Variants in RTKN2 observed in about 807,000 individuals in gnomAD.
The protein encoded by RTKN2 is rhotekin-2.
In RTKN2, 69 loss-of-function variants were observed where a neutral mutation model predicts 71.5. That is an observed-to-expected ratio of 0.96 (90% CI 0.79 to 1.18). The LOEUF (loss-of-function observed/expected upper bound fraction) is 1.18. RTKN2 is among the 50% of genes most tolerant of loss of function. The probability of loss-of-function intolerance (pLI) is 0.00; values close to 1 mark genes in which losing one functional copy is unlikely to be tolerated. For missense variants in RTKN2, 724 were observed against 719.7 expected (o/e 1.01, Z -0.07); for synonymous variants, 236 against 236.5 (o/e 1.00, Z 0.02).
intron 6 of RTKN2, among the ~76,000 whole-genome samples, chr10:62,229,027 G>T (rs1461389331): frequency 6.6e-6 from 1 of 152,168 alleles, no homozygotes; most frequent in Non-Finnish European, 1.5e-5. Context: ...CTTAAGGTTA[G>T]GGATTATGTA....
rs1841304979 is a variant in RTKN2 at position 62,195,500 on chromosome 10, G to A, written c.*2408C>T. On this transcript the variant is annotated 3_prime_UTR_variant, in exon 12 of 12. Transcript: ENST00000373789. ...GAGGAAGGAGAGACAGAAGGAAAGT[G>A]GGAAAAGGGGATGAGACAGAGAGAG... is the stretch of plus-strand genomic sequence containing the variant. 1 of 866,306 alleles carries A rather than the reference G, an allele frequency of 1.2e-6. No homozygotes were observed. The highest frequency in any genetic ancestry group is 1.8e-5 in the African/African-American group (1 of 54,972). The allele number at this position is 866,306 out of a possible 1,614,324, so 53.7% of individuals were successfully genotyped here.
rs5785514 is a variant in RTKN2 at position 62,217,252 on chromosome 10, G to GAAA, written c.889-6_889-4dup. 3.1e-4 allele frequency: 393 copies of GAAA among 1,287,600 alleles called. No homozygotes were observed. Among genetic ancestry groups the GAAA allele is most frequent in the South Asian group, 1.8e-3 (111 of 60,450 alleles). 79.8% of individuals were successfully genotyped at this position (1,287,600 alleles called of 1,614,324 possible). The stretch of plus-strand genomic sequence containing the variant: ...CTAATCAGACCTTCTACCATTTGCT[G>GAAA]AAAAAAAAAAAAAAAAAATCAAGAG... On this transcript the variant is annotated splice_region_variant and splice_polypyrimidine_tract_variant and intron_variant, in intron 8 of 11. Transcript: ENST00000373789.
chr10:62,231,730 CTT>C (rs1001664314), intron 6 of RTKN2, among the ~76,000 whole-genome samples: 12 of 152,022 alleles, frequency 7.9e-5, no homozygotes, highest in Non-Finnish European at 1.6e-4. Flanking sequence ...AAAATGCACT[CTT>C]GTCAGGAAGA....
At chr10:62,266,495 T>C (rs1019003500) in intron 1 of RTKN2, among the ~76,000 whole-genome samples, 4 of 152,206 alleles carry the variant, frequency 2.6e-5, no homozygotes, top group Non-Finnish European at 5.9e-5. Context: ...ATTGTTTATG[T>C]ACAGAAAAAA....
intron 10 of RTKN2, among the ~76,000 whole-genome samples, chr10:62,201,716 C>G (rs1419631710): frequency 6.6e-6 from 1 of 152,054 alleles, no homozygotes; most frequent in Non-Finnish European, 1.5e-5. Context: ...AAACTAGTAG[C>G]AGAATATGAG....
chr10:62,244,073 C>T (rs1842432824), intron 3 of RTKN2, among the ~76,000 whole-genome samples: 1 of 152,050 alleles, frequency 6.6e-6, no homozygotes, highest in South Asian at 2.1e-4. Flanking sequence ...AAACAGAAAA[C>T]CCAGGTATTT....
Position 62,268,757 on chromosome 10 carries a change from C to T in RTKN2, c.-147G>A. ...GCCGGGGGCGCAGGAGGAGCCGGGC[C>T]GAAGCGCACGCGCAGTGGGCGCGCC... On this transcript the variant is annotated 5_prime_UTR_variant, in exon 1 of 12. Coordinates refer to ENST00000373789, the MANE Select transcript of RTKN2 (RefSeq NM_145307.4). The T allele has an allele frequency of 2.5e-6, 2 of 785,546 alleles. No homozygotes were observed. Among genetic ancestry groups the T allele is most frequent in the Non-Finnish European group, 2.0e-6 (1 of 503,996 alleles). The allele number at this position is 785,546 out of a possible 1,614,324, so 48.7% of individuals were successfully genotyped here. A position where few individuals can be genotyped will look rare whatever the true frequency, so the allele number is the denominator to read the frequency against.
At chr10:62,252,036 A>G (rs182047983) in intron 2 of RTKN2, among the ~76,000 whole-genome samples, 127 of 152,210 alleles carry the variant, frequency 8.3e-4, no homozygotes, top group African/African-American at 3.0e-3. Context: ...GAATTCTTAA[A>G]CAGGAAAAAC....
rs1564496179 is a variant in RTKN2, at chr10:62,195,614, G to GGAAGGAAGGAAGGAAGGAAGGAATGAAT, written c.*2293_*2294insATTCATTCCTTCCTTCCTTCCTTCCTTC. On this transcript the variant is annotated 3_prime_UTR_variant, in exon 12 of 12. Transcript: ENST00000373789. ...GAGACGGACAGAGGGAATGAAGGAA[G>GGAAGGAAGGAAGGAAGGAAGGAATGAAT]GAAGGAAGGAAGGAAGGAAGGAAGG... is the stretch of plus-strand genomic sequence containing the variant. The GGAAGGAAGGAAGGAAGGAAGGAATGAAT allele has an allele frequency of 1.2e-5, 1 of 80,626 alleles. No individual in the cohort carries two copies. The highest frequency in any genetic ancestry group is 2.4e-5 in the Non-Finnish European group (1 of 41,856). 5.0% of individuals were successfully genotyped at this position (80,626 alleles called of 1,614,324 possible). A position where few individuals can be genotyped will look rare whatever the true frequency, so the allele number is the denominator to read the frequency against.
rs967702672 is a variant in RTKN2 at position 62,184,253 on chromosome 10, A to G, written c.*69T>C. Reference sequence around the variant, plus strand: ...TTGTCTTTTCCCTCATGAAGCTTACATTCTACTAGAGAAATGTCACATTGT... The same window carrying G: ...TTGTCTTTTCCCTCATGAAGCTTACGTTCTACTAGAGAAATGTCACATTGT... On this transcript the variant is annotated 3_prime_UTR_variant, in exon 9 of 9. Transcript: ENST00000315289. The G allele has an allele frequency of 4.8e-6, 5 of 1,040,866 alleles. No individual in the cohort carries two copies. In the African/African-American group the frequency reaches 4.8e-5, roughly 10 times the overall value. 64.5% of individuals were successfully genotyped at this position (1,040,866 alleles called of 1,614,324 possible).
chr10:62,215,909 T>G (rs1841760266), intron 9 of RTKN2, among the ~76,000 whole-genome samples: 1 of 151,988 alleles, frequency 6.6e-6, no homozygotes, highest in Non-Finnish European at 1.5e-5. Flanking sequence ...ATTATATATT[T>G]CAAAAACTTA....
chr10:62,192,686 G>A (rs920919551), downstream of RTKN2, among the ~76,000 whole-genome samples: 6 of 152,144 alleles, frequency 3.9e-5, no homozygotes, highest in African/African-American at 1.4e-4. Context: ...TTTGAAGACC[G>A]AAGGGGCTAC....
At chr10:62,184,288 T>C in exon 9 of RTKN2, 1 of 1,386,796 alleles carries the variant, frequency 7.2e-7, no homozygotes, top group Non-Finnish European at 9.9e-7. Context: ...TATTTTAAAT[T>C]TTTCACACTG....
At chr10:62,243,928 G>A (rs898644765) in intron 3 of RTKN2, among the ~76,000 whole-genome samples, 2 of 151,852 alleles carry the variant, frequency 1.3e-5, no homozygotes, top group Admixed American at 6.6e-5. Context: ...ATTAGTAGTC[G>A]GTGACTAAGC....
chr10:62,233,803 T>C (rs1408127196), intron 6 of RTKN2, among the ~76,000 whole-genome samples: 1 of 152,150 alleles, frequency 6.6e-6, no homozygotes, highest in East Asian at 1.9e-4. Context: ...AAAAGAGTAA[T>C]TTCATTAAAT....
chr10:62,204,888 C>A lies in RTKN2; in HGVS notation c.1155G>T (p.Met385Ile). Residue 385 changes from methionine (M) to isoleucine (I), a missense_variant, in exon 10 of 12, where the codon ATG (methionine) becomes ATT (isoleucine). By Grantham distance (10) the Met-to-Ile change is conservative. Coordinates refer to ENST00000373789, the MANE Select transcript of RTKN2 (RefSeq NM_145307.4). ...VDNREDLQKWMEAFWQHFFDL... is the reference protein window; with the variant it reads ...VDNREDLQKWIEAFWQHFFDL... ...CAAAGAAATGCTGCCAGAAGGCTTCCATCCACTTCTGAAGATCTTCTCTAT... is the reference window on the plus strand; with the variant it reads ...CAAAGAAATGCTGCCAGAAGGCTTCAATCCACTTCTGAAGATCTTCTCTAT... The A allele has an allele frequency of 6.3e-7, 1 of 1,579,616 alleles. No homozygotes were observed. Among genetic ancestry groups the A allele is most frequent in the Non-Finnish European group, 8.6e-7 (1 of 1,168,230 alleles).
At chr10:62,217,285 A>G (rs1841794475) in intron 8 of RTKN2, 36 bp from the exon 9 acceptor site, 6 of 1,414,044 alleles carry the variant, frequency 4.2e-6, no homozygotes, top group Admixed American at 4.5e-5. Context: ...GAGACTATCA[A>G]TTTTAAGTTA....
In RTKN2 at chr10:62,261,863, TC is replaced by T. The variant is rs1450737213; in HGVS notation, c.257+761del. 2.6e-5 allele frequency among the ~76,000 whole-genome samples: 4 copies of T among 152,130 alleles called. No homozygotes were observed. The South Asian group carries it at 8.3e-4, about 32-fold the overall frequency. The stretch of plus-strand genomic sequence containing the variant: ...TCACTATTGTCTAACAAGAAACTCT[TC>T]CCTTGTGTCAGAGCTGTGAATCAAC... On this transcript the variant is annotated intron_variant, in intron 2 of 11. Coordinates refer to ENST00000373789, the MANE Select transcript of RTKN2 (RefSeq NM_145307.4).
Position 62,197,261 on chromosome 10 carries a change from G to A in RTKN2, c.*647C>T. On this transcript the variant is annotated 3_prime_UTR_variant, in exon 12 of 12. Coordinates refer to ENST00000373789, the MANE Select transcript of RTKN2 (RefSeq NM_145307.4). ...TTATGCTTCATTTATGAAAGTTAAT[G>A]TCAACAGTATTTCAGGGCTCATCAA... The A allele has an allele frequency of 3.0e-6, 3 of 985,524 alleles. No homozygotes were observed. The highest frequency in any genetic ancestry group is 3.6e-6 in the Non-Finnish European group (3 of 829,688). The allele number at this position is 985,524 out of a possible 1,614,324, so 61.0% of individuals were successfully genotyped here. A position where few individuals can be genotyped will look rare whatever the true frequency, so the allele number is the denominator to read the frequency against.
Sources: gnomAD v4.1 joint callset for allele counts (sites outside exome capture counted in the v4.1 genomes callset) on GRCh38, gnomAD v4.1.1 for gene constraint, MANE v1.5 for transcripts, NCBI Gene and HGNC (gene_info 2026-07-23, HGNC 2026-07-21) for gene names.